ADAMTS14: variants seen among roughly 807,000 people sequenced by gnomAD.
ADAMTS14 encodes the protein ADAM metallopeptidase with thrombospondin type 1 motif 14, also known as A disintegrin and metalloproteinase with thrombospondin motifs 14.
In ADAMTS14, 100 loss-of-function variants were observed where a neutral mutation model predicts 128.6. That is an observed-to-expected ratio of 0.78 (90% confidence interval 0.66 to 0.92). ADAMTS14 has a LOEUF of 0.92. Ranked by LOEUF, ADAMTS14 falls within the 40% of genes least tolerant of loss-of-function variation. The pLI is 0.00. For synonymous variants in ADAMTS14, 665 were observed against 653.8 expected (o/e 1.02, Z -0.26); for missense variants, 1,562 against 1,658.6 (o/e 0.94, Z 1.01).
chr10:70,735,095 C>T, intron 8 of ADAMTS14, 74 bp from the exon 9 acceptor site: 2 of 1,550,654 alleles, frequency 1.3e-6, no homozygotes, highest in Admixed American at 1.8e-5. Context: ...TCATGAAAAC[C>T]CCAGCCCCTG....
chr10:70,732,399 G>C (rs41277996), intron 7 of ADAMTS14, 40 bp downstream of exon 7: 310,934 of 1,540,024 alleles, frequency 0.2, 32,949 homozygotes, highest in Non-Finnish European at 0.22. Context: ...TGGCAGCTGT[G>C]CCGTGAGCTC....
At chr10:70,738,491 A>G (rs1041782300) in intron 10 of ADAMTS14, among the ~76,000 whole-genome samples, 1 of 152,170 alleles carries the variant, frequency 6.6e-6, no homozygotes, top group African/African-American at 2.4e-5. Flanking sequence ...AACTCTAGCT[A>G]GTGTGGGAAG....
intron 13 of ADAMTS14, 71 bp from the exon 14 acceptor site, chr10:70,743,995 G>A (rs1842090096): frequency 2.0e-6 from 3 of 1,523,064 alleles, no homozygotes; most frequent in East Asian, 4.9e-5. Context: ...GCCTGGGGAT[G>A]GGAATGGGAG....
intron 2 of ADAMTS14, among the ~76,000 whole-genome samples, chr10:70,678,717 C>G (rs551685486): frequency 6.6e-6 from 1 of 152,094 alleles, no homozygotes; most frequent in African/African-American, 2.4e-5. Flanking sequence ...ATAATGGCTG[C>G]GTGACTCTGA....
rs745572890 is a variant in ADAMTS14, at chr10:70,674,562, A to C, written c.89A>C (p.His30Pro). 6.2e-7 allele frequency: 1 copy of C among 1,610,172 alleles called. No individual in the cohort carries two copies. The highest frequency in any genetic ancestry group is 1.1e-5 in the South Asian group (1 of 90,924). ...CTTTGTTTACCTCCAACAGAGCTGCACCTCTCTGGAAAGCTCAGTGACTAT... is the reference window on the plus strand; with the variant it reads ...CTTTGTTTACCTCCAACAGAGCTGCCCCTCTCTGGAAAGCTCAGTGACTAT... ...AAAGSRTPEL[H>P]LSGKLSDYGV... Residue 30 changes from histidine to proline, a missense_variant, in exon 2 of 22, where the codon CAC (histidine) becomes CCC (proline). Transcript: ENST00000373207.
chr10:70,744,498 G>C (rs1339457760), intron 14 of ADAMTS14, among the ~76,000 whole-genome samples: 3 of 152,320 alleles, frequency 2.0e-5, no homozygotes, highest in African/African-American at 4.8e-5. Context: ...GTGGGTGGGA[G>C]GCATCAGACA....
intron 2 of ADAMTS14, among the ~76,000 whole-genome samples, chr10:70,685,985 C>T (rs894104438): frequency 6.6e-6 from 1 of 152,186 alleles, no homozygotes; most frequent in African/African-American, 2.4e-5. Flanking sequence ...GATGCTCAAA[C>T]GGAACCTTCT....
Position 70,738,829 on chromosome 10 carries a change from T to C in ADAMTS14, c.1600-13T>C. 1 of 1,613,814 alleles carries C rather than the reference T, an allele frequency of 6.2e-7. No individual in the cohort carries two copies. The highest frequency in any genetic ancestry group is 8.5e-7 in the Non-Finnish European group (1 of 1,180,000). The stretch of plus-strand genomic sequence containing the variant: ...CAGCCCAGGGTGACCTCATGCCCTC[T>C]GCTCTGCCCCAGTGGTGCTTCAAAG... On this transcript the variant is annotated splice_polypyrimidine_tract_variant and intron_variant, in intron 10 of 21. Coordinates refer to ENST00000373207, the MANE Select transcript of ADAMTS14 (RefSeq NM_080722.4).
chr10:70,694,258 G>A (rs540430976), intron 2 of ADAMTS14, among the ~76,000 whole-genome samples: 9 of 152,354 alleles, frequency 5.9e-5, no homozygotes, highest in South Asian at 2.1e-4. Context: ...AGCGTTTGTC[G>A]TCTGTGTGAG....
chr10:70,719,363 C>T (rs1391409053), intron 4 of ADAMTS14, among the ~76,000 whole-genome samples: 1 of 113,052 alleles, frequency 8.8e-6, no homozygotes, highest in Admixed American at 1.1e-4. Flanking sequence ...TCTCACTCCA[C>T]AAATACACAC....
chr10:70,752,584 A>G (rs374522499), intron 18 of ADAMTS14, among the ~76,000 whole-genome samples: 1 of 152,142 alleles, frequency 6.6e-6, no homozygotes, highest in South Asian at 2.1e-4. Flanking sequence ...TGCCTGGTGG[A>G]GGGCTCATGG....
chr10:70,684,012 C>T (rs1839887098), intron 2 of ADAMTS14, among the ~76,000 whole-genome samples: 1 of 152,200 alleles, frequency 6.6e-6, no homozygotes, highest in Non-Finnish European at 1.5e-5. Context: ...AAGGTTTAAT[C>T]AGCTCACAGT....
intron 8 of ADAMTS14, 145 bp downstream of exon 8, chr10:70,734,173 C>A: frequency 9.5e-7 from 1 of 1,054,020 alleles, no homozygotes. Context: ...CAAACCTGGC[C>A]TAAAACATAC....
At chr10:70,693,385 G>A (rs909399359) in intron 2 of ADAMTS14, among the ~76,000 whole-genome samples, 4 of 152,112 alleles carry the variant, frequency 2.6e-5, no homozygotes, top group South Asian at 2.1e-4. Context: ...CTGATCCTGC[G>A]GGCTCCCCTC....
intron 2 of ADAMTS14, among the ~76,000 whole-genome samples, chr10:70,693,251 C>A (rs1256270727): frequency 1.3e-5 from 2 of 152,200 alleles, no homozygotes; most frequent in African/African-American, 4.8e-5. Context: ...CTGGACATCA[C>A]ATTTCAACAT....
chr10:70,736,608 TCTC>T, intron 9 of ADAMTS14, 69 bp from the exon 10 acceptor site: 2 of 1,432,856 alleles, frequency 1.4e-6, no homozygotes, highest in South Asian at 2.6e-5. Context: ...CCCTCTTTTC[TCTC>T]CATCACTACC....
intron 2 of ADAMTS14, among the ~76,000 whole-genome samples, chr10:70,682,449 C>T (rs972142800): frequency 3.3e-5 from 5 of 152,168 alleles, no homozygotes; most frequent in Admixed American, 6.5e-5. Context: ...GTGAGTGTGA[C>T]CCTGGAACCA....
rs139882905 is a variant in ADAMTS14, at chr10:70,754,811, T to G, written c.2937+804T>G. Among the ~76,000 whole-genome samples the G allele has an allele frequency of 3.0e-3, 463 of 152,296 alleles. 2 individuals are homozygous for G. Among genetic ancestry groups the G allele is most frequent in the Non-Finnish European group, 5.5e-3 (374 of 68,020 alleles). The stretch of plus-strand genomic sequence containing the variant: ...ATCACTCTGACGGTGCTGTGGAAGG[T>G]TGAGCGTTAGACAGTCAGGGTAGCG... On this transcript the variant is annotated intron_variant, in intron 19 of 21. Coordinates refer to ENST00000373207, the MANE Select transcript of ADAMTS14 (RefSeq NM_080722.4).
At chr10:70,713,404 A>T (rs574394803) in intron 4 of ADAMTS14, among the ~76,000 whole-genome samples, 9 of 152,222 alleles carry the variant, frequency 5.9e-5, no homozygotes, top group Non-Finnish European at 1.3e-4. Flanking sequence ...AGCTGAAGCC[A>T]AAGAGGGGTG....
Sources: allele counts gnomAD v4.1 joint callset (sites outside exome capture counted in the v4.1 genomes callset), GRCh38; gene constraint gnomAD v4.1.1; transcripts MANE v1.5; gene names NCBI Gene and HGNC (gene_info 2026-07-23, HGNC 2026-07-21).